Variants in PCDH15 observed in about 807,000 individuals in gnomAD.
PCDH15 encodes protocadherin related 15.
Under a neutral mutation model 178.5 loss-of-function variants are expected in PCDH15, and 129 were observed. That is an observed-to-expected ratio of 0.72 (90% CI 0.63 to 0.84). PCDH15 has a LOEUF of 0.84. Ranked by LOEUF, PCDH15 falls within the 40% of genes least tolerant of loss-of-function variation. The pLI, the probability that PCDH15 is intolerant of heterozygous loss-of-function variation, is 0.00. For synonymous variants in PCDH15, 800 were observed against 732.0 expected (o/e 1.09, Z -1.50); for missense variants, 2,230 against 2,099.9 (o/e 1.06, Z -1.21).
Position 55,550,007 on chromosome 10 carries a change from T to C in PCDH15, c.-156+77618A>G, listed in dbSNP as rs553573329. 6.5e-4 allele frequency among the ~76,000 whole-genome samples: 99 copies of C among 152,232 alleles called. 3 individuals are homozygous for C. In the South Asian group the frequency reaches 0.019, roughly 29 times the overall value. ...TCTCTAAGACTCAATGATTTTGTAT[T>C]TTCACCCATCTTCTCTTTGAGGCCT... On this transcript the variant is annotated intron_variant, in intron 2 of 5. Coordinates refer to the PCDH15 transcript ENST00000613346.
At chr10:54,895,088 T>C (rs1954524057) in intron 3 of PCDH15, among the ~76,000 whole-genome samples, 1 of 152,144 alleles carries the variant, frequency 6.6e-6, no homozygotes, top group Admixed American at 6.6e-5. Context: ...GGGACACACA[T>C]AAAAATAGAT....
intron 1 of PCDH15, among the ~76,000 whole-genome samples, chr10:55,192,140 C>T (rs1029418171): frequency 9.9e-5 from 15 of 151,752 alleles, no homozygotes; most frequent in Non-Finnish European, 2.9e-5. Context: ...ACAGGCACTC[C>T]ACTTCATTAG....
At chr10:55,210,653 G>T (rs1840544683) in intron 1 of PCDH15, among the ~76,000 whole-genome samples, 1 of 66,904 alleles carries the variant, frequency 1.5e-5, no homozygotes, top group Non-Finnish European at 2.9e-5. Flanking sequence ...TTTTTTTGAC[G>T]GAATCTCGCT....
At position 53,886,807 on chromosome 10, in the gene PCDH15, C is replaced by G. The variant is rs576780889; in HGVS notation, c.3501+16436G>C. On this transcript the variant is annotated intron_variant, in intron 26 of 37. Coordinates refer to ENST00000644397, the MANE Select transcript of PCDH15 (RefSeq NM_001384140.1). ...CACTGCCTTCTGGGTCTGGAAGCCA[C>G]ACTGTTTACTTTTTCCTATGATGTT... Among the ~76,000 whole-genome samples, 4 of 152,206 alleles carry G rather than the reference C, an allele frequency of 2.6e-5. No individual in the cohort carries two copies. The East Asian group carries it at 7.7e-4, about 29-fold the overall frequency.
At chr10:54,684,509 CTT>C (rs1386475727) in intron 1 of PCDH15, among the ~76,000 whole-genome samples, 1 of 151,894 alleles carries the variant, frequency 6.6e-6, no homozygotes, top group Non-Finnish European at 1.5e-5. Flanking sequence ...TTTATGGCCT[CTT>C]TATGTAAATG....
chr10:54,183,480 A>T lies in PCDH15; in HGVS notation c.1554T>A (p.Val518=), dbSNP rs753118166. Reference sequence around the variant, plus strand: ...TGTCCCCAGGTCTCATGTCTGTATAAACATACACATCATAGGATATTTCAG... The same window carrying T: ...TGTCCCCAGGTCTCATGTCTGTATATACATACACATCATAGGATATTTCAG... ...TFPEISYDVY[V]YTDMRPGDSV... Residue 518 remains valine (V), a synonymous_variant, in exon 13 of 38, where the codon GTT becomes GTA. Transcript: ENST00000644397. 3 of 1,613,456 alleles carry T rather than the reference A, an allele frequency of 1.9e-6. No individual in the cohort carries two copies. Among genetic ancestry groups the T allele is most frequent in the Non-Finnish European group, 2.5e-6 (3 of 1,179,566 alleles).
chr10:54,847,803 AT>A (rs1304334530), intron 3 of PCDH15, among the ~76,000 whole-genome samples: 1 of 152,138 alleles, frequency 6.6e-6, no homozygotes, highest in Non-Finnish European at 1.5e-5. Flanking sequence ...ATTCACTAGT[AT>A]TTTTCTCCAT....
At chr10:55,069,132 C>A (rs542048728) in intron 2 of PCDH15, among the ~76,000 whole-genome samples, 4 of 151,466 alleles carry the variant, frequency 2.6e-5, no homozygotes, top group South Asian at 4.2e-4. Flanking sequence ...TCTCGAACTC[C>A]TGTCCTGATG....
intron 1 of PCDH15, among the ~76,000 whole-genome samples, chr10:55,245,198 T>C (rs979530419): frequency 6.6e-6 from 1 of 152,130 alleles, no homozygotes; most frequent in African/African-American, 2.4e-5. Context: ...TTTCTAGAAG[T>C]ATAAAACATG....
intron 6 of PCDH15, among the ~76,000 whole-genome samples, chr10:54,332,377 A>ATATAATAAAATCTATATTATATATTAT (rs1939996537): frequency 2.4e-4 from 9 of 37,172 alleles, no homozygotes; most frequent in African/African-American, 9.9e-4. Flanking sequence ...TATATATATA[A>ATATAATAAAATCTATATTATATATTAT]TATATATATA....
At chr10:53,954,074 G>A (rs2593111) in intron 23 of PCDH15, among the ~76,000 whole-genome samples, 137 of 152,294 alleles carry the variant, frequency 9.0e-4, no homozygotes, top group African/African-American at 3.2e-3. Context: ...ACAGGTGTGA[G>A]CAACTGCGCC....
At chr10:54,778,715 A>C (rs184302260) in intron 1 of PCDH15, among the ~76,000 whole-genome samples, 39 of 152,256 alleles carry the variant, frequency 2.6e-4, no homozygotes, top group Non-Finnish European at 4.4e-4. Flanking sequence ...TTCTCTTTAA[A>C]TATTTATCTA....
intron 2 of PCDH15, among the ~76,000 whole-genome samples, chr10:55,607,051 G>A (rs997584340): frequency 4.0e-5 from 6 of 151,792 alleles, no homozygotes; most frequent in African/African-American, 1.5e-4. Context: ...AAATTTACAA[G>A]AAAAAAACAA....
intron 3 of PCDH15, among the ~76,000 whole-genome samples, chr10:54,458,343 T>A (rs80064329): frequency 0.011 from 1,610 of 150,220 alleles, 25 homozygotes; most frequent in African/African-American, 0.038. Flanking sequence ...AAAACTTTAA[T>A]CATTCTACAT....
At chr10:53,946,544 G>C (rs1006861208) in intron 23 of PCDH15, among the ~76,000 whole-genome samples, 3 of 152,076 alleles carry the variant, frequency 2.0e-5, no homozygotes, top group Admixed American at 6.5e-5. Context: ...TTTCCTCTAT[G>C]TCTTTTTGTA....
At chr10:54,945,068 T>G (rs1838159888) in intron 2 of PCDH15, among the ~76,000 whole-genome samples, 1 of 151,948 alleles carries the variant, frequency 6.6e-6, no homozygotes, top group African/African-American at 2.4e-5. Context: ...GATATAATCC[T>G]TCTAACATAT....
At chr10:55,598,229 T>C (rs189985755) in intron 2 of PCDH15, among the ~76,000 whole-genome samples, 3 of 151,864 alleles carry the variant, frequency 2.0e-5, no homozygotes, top group East Asian at 1.9e-4. Context: ...ATCTAAATCG[T>C]AAAAATCTCC....
At chr10:54,404,155 T>C (rs1159454908) in intron 3 of PCDH15, among the ~76,000 whole-genome samples, 1 of 151,748 alleles carries the variant, frequency 6.6e-6, no homozygotes, top group Non-Finnish European at 1.5e-5. Context: ...TTATTAATGA[T>C]AAAATATTCT....
chr10:55,574,814 T>G (rs941100714), intron 2 of PCDH15, among the ~76,000 whole-genome samples: 1 of 152,010 alleles, frequency 6.6e-6, no homozygotes, highest in Non-Finnish European at 1.5e-5. Flanking sequence ...GATATTATAC[T>G]AAGGAAACCT....
Sources: gnomAD v4.1 joint callset for allele counts (sites outside exome capture counted in the v4.1 genomes callset) on GRCh38, gnomAD v4.1.1 for gene constraint, MANE v1.5 for transcripts, NCBI Gene and HGNC (gene_info 2026-07-23, HGNC 2026-07-21) for gene names.